The following CAMTA1 variants were observed in gnomAD, a reference collection of about 807,000 sequenced individuals.
The protein encoded by CAMTA1 is calmodulin-binding transcription activator 1.
Under a neutral mutation model 170.9 loss-of-function variants are expected in CAMTA1, and 27 were observed. That is an observed-to-expected ratio of 0.16 (90% CI 0.12 to 0.22). The LOEUF (loss-of-function observed/expected upper bound fraction) is 0.22. CAMTA1 is among the 10% of genes least tolerant of loss of function. CAMTA1 has a pLI of 1.00. For missense variants in CAMTA1, 1,619 were observed against 2,217.2 expected (o/e 0.73, Z 5.42); for synonymous variants, 833 against 891.5 (o/e 0.93, Z 1.17).
intron 3 of CAMTA1, among the ~76,000 whole-genome samples, chr1:7,024,079 A>G (rs1701738274): frequency 6.6e-6 from 1 of 152,054 alleles, no homozygotes; most frequent in East Asian, 1.9e-4. Flanking sequence ...ATAGTTAAGC[A>G]TAAGATGGTC....
In CAMTA1 at chr1:6,856,389, C is replaced by G. The variant is rs148339566; in HGVS notation, c.234+31179C>G. The stretch of plus-strand genomic sequence containing the variant: ...ATTTAATGAATGTTGAGTATTTTCT[C>G]TATTCCAGACAATGTGTTTGTTACG... On this transcript the variant is annotated intron_variant, in intron 3 of 22. Transcript: ENST00000303635. Among the ~76,000 whole-genome samples the G allele has an allele frequency of 5.1e-3, 656 of 127,584 alleles. 8 individuals are homozygous for G. The highest frequency in any genetic ancestry group is 0.018 in the African/African-American group (640 of 34,644). 83.7% of individuals were successfully genotyped at this position (127,584 alleles called of 152,430 possible).
intron 22 of CAMTA1, among the ~76,000 whole-genome samples, chr1:7,757,833 TG>T (rs1420555465): frequency 6.6e-6 from 1 of 152,236 alleles, no homozygotes; most frequent in Admixed American, 6.5e-5. Context: ...AGGAAAAATT[TG>T]TTTTTTGGGG....
intron 5 of CAMTA1, among the ~76,000 whole-genome samples, chr1:7,277,475 G>GTATGTGTA (rs1420269820): frequency 6.7e-6 from 1 of 149,338 alleles, no homozygotes; most frequent in African/African-American, 2.5e-5. Flanking sequence ...GTGTGTGTGT[G>GTATGTGTA]TGTGTGTGTG....
At chr1:7,043,812 C>T (rs1704893539) in intron 3 of CAMTA1, among the ~76,000 whole-genome samples, 1 of 152,204 alleles carries the variant, frequency 6.6e-6, no homozygotes, top group Non-Finnish European at 1.5e-5. Flanking sequence ...CTCGGGCCCT[C>T]AGGCTAGAGC....
At chr1:7,575,843 G>A (rs905060601) in intron 6 of CAMTA1, among the ~76,000 whole-genome samples, 4 of 152,130 alleles carry the variant, frequency 2.6e-5, no homozygotes, top group African/African-American at 9.7e-5. Context: ...CTCGGAGAAG[G>A]AATTTGCACT....
At chr1:7,262,208 A>G (rs759039675) in intron 5 of CAMTA1, among the ~76,000 whole-genome samples, 11 of 152,180 alleles carry the variant, frequency 7.2e-5, no homozygotes, top group Non-Finnish European at 1.5e-4. Flanking sequence ...TGATCAGTCC[A>G]TGAACAAGTG....
At chr1:7,760,780 A>G (rs577886122) in intron 22 of CAMTA1, among the ~76,000 whole-genome samples, 8 of 152,334 alleles carry the variant, frequency 5.3e-5, no homozygotes, top group Admixed American at 3.9e-4. Context: ...TCAAAGCAAC[A>G]GGTAATAATC....
rs115984294 is a variant in CAMTA1 at position 7,685,157 on chromosome 1, G to A, written c.2914+7424G>A. Reference sequence around the variant, plus strand: ...GTGTTTTGAGGAGTTCGCAGGCACCGTCCTGAGGTCACAGGTGGTGTGTTT... The same window carrying A: ...GTGTTTTGAGGAGTTCGCAGGCACCATCCTGAGGTCACAGGTGGTGTGTTT... On this transcript the variant is annotated intron_variant, in intron 11 of 22. Coordinates refer to ENST00000303635, the MANE Select transcript of CAMTA1 (RefSeq NM_015215.4). This position sits in a 1 kb window ranked among gnomAD's most constrained non-coding sequence, Gnocchi z 5.7. Among the ~76,000 whole-genome samples, 387 of 152,210 alleles carry A rather than the reference G, an allele frequency of 2.5e-3. No individual in the cohort carries two copies. The highest frequency in any genetic ancestry group is 8.2e-3 in the African/African-American group (342 of 41,504).
At chr1:6,973,823 C>G (rs1692953365) in intron 3 of CAMTA1, among the ~76,000 whole-genome samples, 1 of 152,172 alleles carries the variant, frequency 6.6e-6, no homozygotes, top group Non-Finnish European at 1.5e-5. Flanking sequence ...AAAGTATCGC[C>G]TCATCTCCCT....
chr1:7,713,018 T>C (rs1358883669), intron 11 of CAMTA1, among the ~76,000 whole-genome samples: 1 of 152,186 alleles, frequency 6.6e-6, no homozygotes, highest in Non-Finnish European at 1.5e-5. Flanking sequence ...TTATGGGAGC[T>C]ACCATTCAAG....
chr1:7,652,216 C>G (rs1240013546), intron 7 of CAMTA1, among the ~76,000 whole-genome samples: 1 of 152,194 alleles, frequency 6.6e-6, no homozygotes, highest in Non-Finnish European at 1.5e-5. Context: ...GTGACAAGAC[C>G]AGCACATGCC....
At chr1:7,704,908 G>A (rs1009803438) in intron 11 of CAMTA1, among the ~76,000 whole-genome samples, 2 of 145,954 alleles carry the variant, frequency 1.4e-5, no homozygotes, top group African/African-American at 2.5e-5. Flanking sequence ...GGTGCGCGGC[G>A]GCGCGGGGCT....
intron 6 of CAMTA1, among the ~76,000 whole-genome samples, chr1:7,480,985 G>C (rs898967475): frequency 6.6e-6 from 1 of 152,108 alleles, no homozygotes; most frequent in African/African-American, 2.4e-5. Context: ...TTAGAGCATC[G>C]ATGGCTCGCC....
At chr1:7,559,843 G>T (rs1281180389) in intron 6 of CAMTA1, among the ~76,000 whole-genome samples, 1 of 152,216 alleles carries the variant, frequency 6.6e-6, no homozygotes, top group South Asian at 2.1e-4. Context: ...TGGGAGGCCA[G>T]GGGAGGGGGG....
chr1:6,819,551 A>G (rs1444818894), intron 1 of CAMTA1, among the ~76,000 whole-genome samples: 1 of 152,198 alleles, frequency 6.6e-6, no homozygotes, highest in Admixed American at 6.5e-5. Flanking sequence ...TGAATATGAC[A>G]TTGGTTCTTA....
intron 3 of CAMTA1, among the ~76,000 whole-genome samples, chr1:6,840,798 A>T (rs1010078287): frequency 2.0e-5 from 3 of 152,182 alleles, no homozygotes; most frequent in African/African-American, 7.2e-5. Context: ...GCTGCAGGGG[A>T]GCCAGGGAGG....
chr1:6,916,324 G>A (rs918061017), intron 3 of CAMTA1, among the ~76,000 whole-genome samples: 7 of 152,138 alleles, frequency 4.6e-5, no homozygotes, highest in African/African-American at 1.7e-4. Context: ...TAAGACGATG[G>A]CCAAATTGAG....
rs2095984918 is a variant in CAMTA1 at position 7,664,400 on chromosome 1, T to C, written c.1853T>C (p.Leu618Pro). Residue 618 changes from leucine (L) to proline (P), a missense_variant, in exon 9 of 23, where the codon CTG becomes CCG. Physicochemically the swap from Leu to Pro is moderately conservative, Grantham distance 98. Transcript: ENST00000303635. The stretch of plus-strand genomic sequence containing the variant: ...CAGACCCCCTCCCCGAGCTTCTTCC[T>C]GCAGGACGCCAGCAAACCCCTCCCC... ...IHQTPSPSFF[L>P]QDASKPLPVE... 6.2e-7 allele frequency: 1 copy of C among 1,613,492 alleles called. No individual in the cohort carries two copies. The highest frequency in any genetic ancestry group is 8.5e-7 in the Non-Finnish European group (1 of 1,179,958).
At chr1:6,938,191 T>C (rs1685782585) in intron 3 of CAMTA1, among the ~76,000 whole-genome samples, 1 of 152,254 alleles carries the variant, frequency 6.6e-6, no homozygotes, top group African/African-American at 2.4e-5. Flanking sequence ...CTCTGTACTT[T>C]TGTCAAGAGA....
Sources: allele counts gnomAD v4.1 joint callset (sites outside exome capture counted in the v4.1 genomes callset), GRCh38; gene constraint gnomAD v4.1.1; non-coding constraint Gnocchi (gnomAD v3.1); transcripts MANE v1.5; gene names NCBI Gene and HGNC (gene_info 2026-07-23, HGNC 2026-07-21).